PDGFD: variants seen among roughly 807,000 people sequenced by gnomAD.
PDGFD encodes platelet-derived growth factor D.
Under a neutral mutation model 44.7 loss-of-function variants are expected in PDGFD, and 30 were observed. The observed-to-expected ratio is 0.67, with a 90% CI of 0.50 to 0.91. The LOEUF is 0.91. Among genes scored for constraint, PDGFD ranks in the 40% least tolerant of loss-of-function variants. The pLI is 0.00. For synonymous variants in PDGFD, 173 were observed against 168.4 expected (o/e 1.03, Z -0.21); for missense variants, 445 against 457.8 (o/e 0.97, Z 0.25).
chr11:103,953,573 T>C (rs1052964499), intron 3 of PDGFD, among the ~76,000 whole-genome samples: 5 of 152,222 alleles, frequency 3.3e-5, no homozygotes, highest in African/African-American at 9.6e-5. Context: ...AAAAATGGAC[T>C]GGATGTGTGT....
At position 104,033,951 on chromosome 11, in the gene PDGFD, GA is replaced by G. The variant is rs112247093; in HGVS notation, c.125-33697del. On this transcript the variant is annotated intron_variant, in intron 1 of 6. Coordinates refer to ENST00000393158, the MANE Select transcript of PDGFD (RefSeq NM_025208.5). ...AAAAATGGTGAAAATTACAATGCTA[GA>G]TTTTTTTTCTTAAAATTAAAAAATA... Among the ~76,000 whole-genome samples, 483 of 152,276 alleles carry G rather than the reference GA, an allele frequency of 3.2e-3. 1 individual carries two copies. Among genetic ancestry groups the G allele is most frequent in the African/African-American group, 0.011 (447 of 41,548 alleles).
rs1310636942 is a variant in PDGFD, at chr11:104,020,728, T to TAA, written c.125-20474_125-20473insTT. 5.9e-5 allele frequency among the ~76,000 whole-genome samples: 9 copies of TAA among 152,270 alleles called. No homozygotes were observed. The East Asian group carries it at 1.5e-3, about 26-fold the overall frequency. On this transcript the variant is annotated intron_variant, in intron 1 of 6. Coordinates refer to ENST00000393158, the MANE Select transcript of PDGFD (RefSeq NM_025208.5). ...TTTCATATCTATCCTAATATTACAT[T>TAA]ATTCCCTGCATAGACCTATGCTACT...
chr11:104,031,586 G>A (rs892429077), intron 1 of PDGFD, among the ~76,000 whole-genome samples: 12 of 152,022 alleles, frequency 7.9e-5, no homozygotes, highest in Admixed American at 2.0e-4. Flanking sequence ...GCAATGTGGC[G>A]ATTCCTCAAG....
intron 3 of PDGFD, among the ~76,000 whole-genome samples, chr11:103,954,800 T>C (rs552484824): frequency 1.3e-5 from 2 of 152,312 alleles, no homozygotes; most frequent in South Asian, 4.1e-4. Flanking sequence ...AAATGCTTAA[T>C]GCTTTTGAAT....
intron 6 of PDGFD, 140 bp downstream of exon 6, chr11:103,926,772 T>C (rs1858321884): frequency 7.1e-6 from 6 of 839,906 alleles, no homozygotes; most frequent in Admixed American, 2.5e-5. Context: ...AAACCTAGTG[T>C]GGGTAGAATT....
intron 1 of PDGFD, among the ~76,000 whole-genome samples, chr11:104,149,321 G>A (rs10791670): frequency 0.45 from 68,196 of 151,930 alleles, 15,346 homozygotes; most frequent in East Asian, 0.61. Context: ...TTCCTGTGGC[G>A]TAATTCTGGT....
intron 4 of PDGFD, chr11:103,945,445 T>A (rs1333201059): frequency 6.6e-6 from 1 of 152,182 alleles, no homozygotes; most frequent in African/African-American, 2.4e-5. Context: ...TATTGTCGGA[T>A]AATCTACAGT....
At chr11:103,935,043 G>T (rs1479900809) in intron 5 of PDGFD, among the ~76,000 whole-genome samples, 1 of 152,084 alleles carries the variant, frequency 6.6e-6, no homozygotes, top group Non-Finnish European at 1.5e-5. Flanking sequence ...CAAACACAAG[G>T]AACACACATT....
chr11:104,072,107 G>A (rs907498129), intron 1 of PDGFD, among the ~76,000 whole-genome samples: 13 of 151,812 alleles, frequency 8.6e-5, no homozygotes, highest in East Asian at 3.9e-4. Flanking sequence ...GCAATACCAC[G>A]TTTAGTTTCA....
chr11:104,116,812 A>G (rs1861647392), intron 1 of PDGFD, among the ~76,000 whole-genome samples: 1 of 151,914 alleles, frequency 6.6e-6, no homozygotes, highest in Non-Finnish European at 1.5e-5. Flanking sequence ...GATAGTGAAT[A>G]AGTCTCACAA....
chr11:104,081,259 T>G lies in PDGFD; in HGVS notation c.125-81004A>C, dbSNP rs188060223. On this transcript the variant is annotated intron_variant, in intron 1 of 6. Transcript: ENST00000393158. ...TGATACAGTAAATTATTTCTTACTT[T>G]TTTATGAAATATCTCAAGGCAATAC... Among the ~76,000 whole-genome samples, 73 of 152,344 alleles carry G rather than the reference T, an allele frequency of 4.8e-4. 1 individual carries two copies. The highest frequency in any genetic ancestry group is 3.3e-3 in the Admixed American group (51 of 15,302).
chr11:104,048,842 T>C (rs748802073), intron 1 of PDGFD, among the ~76,000 whole-genome samples: 4 of 152,228 alleles, frequency 2.6e-5, no homozygotes, highest in Non-Finnish European at 5.9e-5. Context: ...TTGAAGCTTA[T>C]TTCCAATGAA....
chr11:104,076,927 A>G (rs1298172043), intron 1 of PDGFD, among the ~76,000 whole-genome samples: 1 of 152,232 alleles, frequency 6.6e-6, no homozygotes, highest in Admixed American at 6.5e-5. Context: ...GGAATTCTTA[A>G]TAACATTTTC....
intron 1 of PDGFD, among the ~76,000 whole-genome samples, chr11:104,130,000 G>GA (rs34312271): frequency 0.42 from 53,666 of 128,312 alleles, 11,333 homozygotes; most frequent in Middle Eastern, 0.48. Context: ...CAAGACCTCT[G>GA]AAAAAAAAAA....
chr11:103,943,651 CT>C lies in PDGFD; in HGVS notation c.574-2del. On this transcript the variant is annotated splice_acceptor_variant, in intron 4 of 6. Transcript: ENST00000393158. LOFTEE classifies it high-confidence loss of function. ...CTGATGGAGAGTTATAGGATACCCCCTAAGAGTGACATACAGCTCAGTGTAC... is the reference window on the plus strand; with the variant it reads ...CTGATGGAGAGTTATAGGATACCCCCAAGAGTGACATACAGCTCAGTGTAC... 6.2e-7 allele frequency: 1 copy of C among 1,610,696 alleles called. No individual in the cohort carries two copies. Among genetic ancestry groups the C allele is most frequent in the Non-Finnish European group, 8.5e-7 (1 of 1,178,134 alleles).
chr11:103,963,427 A>T (rs1858968783), intron 3 of PDGFD, among the ~76,000 whole-genome samples: 1 of 152,154 alleles, frequency 6.6e-6, no homozygotes, highest in South Asian at 2.1e-4. Flanking sequence ...TAGATAAAAG[A>T]ATGTGTAATT....
At chr11:103,977,268 G>C (rs567704824) in intron 3 of PDGFD, among the ~76,000 whole-genome samples, 1 of 152,078 alleles carries the variant, frequency 6.6e-6, no homozygotes, top group Non-Finnish European at 1.5e-5. Flanking sequence ...GAGGTACAAA[G>C]AGGAGCTGGT....
intron 1 of PDGFD, among the ~76,000 whole-genome samples, chr11:104,008,989 C>T (rs996497597): frequency 2.0e-5 from 3 of 151,860 alleles, no homozygotes; most frequent in African/African-American, 4.8e-5. Flanking sequence ...TTGTAAAATG[C>T]CCCAAATATT....
intron 1 of PDGFD, among the ~76,000 whole-genome samples, chr11:104,068,046 A>C (rs1398178468): frequency 6.6e-6 from 1 of 152,206 alleles, no homozygotes; most frequent in Non-Finnish European, 1.5e-5. Context: ...CACATTAAAG[A>C]GTACGTTTCT....
Sources: allele counts gnomAD v4.1 joint callset (sites outside exome capture counted in the v4.1 genomes callset), GRCh38; gene constraint gnomAD v4.1.1; transcripts MANE v1.5; gene names NCBI Gene and HGNC (gene_info 2026-07-23, HGNC 2026-07-21).